The following C4orf54 variants were observed in gnomAD, a reference collection of about 807,000 sequenced individuals.
C4orf54 encodes the protein uncharacterized protein C4orf54.
In C4orf54, 67 loss-of-function variants were observed where a neutral mutation model predicts 80.1. The ratio of observed to expected loss-of-function variants is 0.84; its 90% CI spans 0.69 to 1.03. The LOEUF is 1.03. Ranked by LOEUF, C4orf54 falls within the 50% of genes least tolerant of loss-of-function variation. C4orf54 has a pLI of 0.00. For missense variants in C4orf54, 2,434 were observed against 2,253.5 expected, an observed-to-expected ratio of 1.08 and a Z score of -1.62; for synonymous variants, 1,000 against 917.0, an observed-to-expected ratio of 1.09 and a Z score of -1.64.
Position 99,650,696 on chromosome 4 carries a change from T to C in C4orf54, c.3953A>G (p.Glu1318Gly). The change falls in exon 2 of 3, where the codon GAG (glutamate) becomes GGG (glycine). Residue 1318 changes from glutamate (E) to glycine (G), a missense_variant. Coordinates refer to ENST00000511828, the MANE Select transcript of C4orf54 (RefSeq NM_001354435.2). The part of the protein sequence containing the change: ...DHDKLSKRLG[E>G]VEERGTGNKA... ...GTTTCCTGTGCCCCGCTCTTCCACC[T>C]CACCCAGCCGTTTGGACAGCTTGTC... 1.3e-6 allele frequency: 2 copies of C among 1,536,080 alleles called. No homozygotes were observed. The highest frequency in any genetic ancestry group is 1.7e-6 in the Non-Finnish European group (2 of 1,146,904).
intron 2 of C4orf54, among the ~76,000 whole-genome samples, chr4:99,647,131 C>A (rs956063688): frequency 6.6e-6 from 1 of 152,148 alleles, no homozygotes; most frequent in Non-Finnish European, 1.5e-5. Flanking sequence ...GTCCCAAACA[C>A]TAAAAACTCT....
At position 99,641,088 on chromosome 4, in the gene C4orf54, A is replaced by G. The variant is rs1726599311; in HGVS notation, c.*145T>C. On this transcript the variant is annotated 3_prime_UTR_variant, in exon 3 of 3. Transcript: ENST00000511828. ...ACACACTTAGCTTATAAGAAGCAAA[A>G]ATTAAGAATAACACATGTGGAAGAA... 6.6e-6 allele frequency: 1 copy of G among 152,178 alleles called. No homozygotes were observed. Among genetic ancestry groups the G allele is most frequent in the Admixed American group, 6.5e-5 (1 of 15,282 alleles). The allele number at this position is 152,178 out of a possible 1,614,324, so 9.4% of individuals were successfully genotyped here.
Position 99,652,420 on chromosome 4 carries a change from C to G in C4orf54, c.2229G>C (p.Thr743=). The part of the protein sequence containing the change: ...TPLCFQKQVQ[T]GSRVVTLLEP... The stretch of plus-strand genomic sequence containing the variant: ...CCAAAAGGGTGACGACGCGGGAGCC[C>G]GTCTGGACCTGCTTCTGGAAACACA... Residue 743 remains threonine (T), a synonymous_variant, in exon 2 of 3, where the codon ACG becomes ACC. Coordinates refer to ENST00000511828, the MANE Select transcript of C4orf54 (RefSeq NM_001354435.2). The G allele has an allele frequency of 2.6e-6, 4 of 1,536,032 alleles. No individual in the cohort carries two copies. Among genetic ancestry groups the G allele is most frequent in the Middle Eastern group, 1.7e-4 (1 of 5,990 alleles).
Position 99,650,461 on chromosome 4 carries a change from G to T in C4orf54, c.4188C>A (p.Asn1396Lys), listed in dbSNP as rs1175767646. The T allele has an allele frequency of 2.6e-6, 4 of 1,535,944 alleles. No homozygotes were observed. Among genetic ancestry groups the T allele is most frequent in the Admixed American group, 2.0e-5 (1 of 50,984 alleles). Reference sequence around the variant, plus strand: ...TGCTGCTGGCACTCACTGTGAACACGTTCCGGTTGCTGGGGAGTGGTGGGA... The same window carrying T: ...TGCTGCTGGCACTCACTGTGAACACTTTCCGGTTGCTGGGGAGTGGTGGGA... ...QPLPPLPSNRNVFTVSASSIQ... is the reference protein window; with the variant it reads ...QPLPPLPSNRKVFTVSASSIQ... Residue 1396 changes from asparagine (N) to lysine (K), a missense_variant, in exon 2 of 3, where the codon AAC becomes AAA. Coordinates refer to ENST00000511828, the MANE Select transcript of C4orf54 (RefSeq NM_001354435.2).
In C4orf54 at chr4:99,650,035, G is replaced by A. The variant is rs560651906; in HGVS notation, c.4614C>T (p.Asn1538=). ...GGGGGGCAGCTACTGTCTCCCGGGG[G>A]TTGTCAGGTTTGGTACGCCAAGCTG... ...SRPAWRTKPD[N]PRETVAAPPG... The change falls in exon 2 of 3, where the codon AAC becomes AAT. Residue 1538 remains asparagine, a synonymous_variant. Transcript: ENST00000511828. 6.5e-6 allele frequency: 10 copies of A among 1,535,704 alleles called. No individual in the cohort carries two copies. The highest frequency in any genetic ancestry group is 1.7e-4 in the Middle Eastern group (1 of 6,012).
Position 99,652,608 on chromosome 4 carries a change from G to A in C4orf54, c.2041C>T (p.Leu681Phe), listed in dbSNP as rs759797376. 192 of 1,535,938 alleles carry A rather than the reference G, an allele frequency of 1.3e-4. 3 individuals are homozygous for A. In the South Asian group the frequency reaches 1.8e-3, roughly 14 times the overall value. The change falls in exon 2 of 3, where the codon CTC becomes TTC. Residue 681 changes from leucine to phenylalanine, a missense_variant. By Grantham distance (22) the Leu-to-Phe change is conservative. Transcript: ENST00000511828. ...GCCACAGAGGCCGCGCTGCTCCTGA[G>A]GAGGCTCTGCTCCACCCTGGCCCCA... ...GVGARVEQSLLRSSAASVAAG... is the reference protein window; with the variant it reads ...GVGARVEQSLFRSSAASVAAG...
In C4orf54 at chr4:99,649,575, G is replaced by A; in HGVS notation, c.5074C>T (p.Leu1692=). The A allele has an allele frequency of 6.5e-7, 1 of 1,536,182 alleles. No individual in the cohort carries two copies. The highest frequency in any genetic ancestry group is 8.7e-7 in the Non-Finnish European group (1 of 1,146,916). Residue 1692 remains leucine (L), a synonymous_variant, in exon 2 of 3, where the codon CTG becomes TTG. Transcript: ENST00000511828. Reference sequence around the variant, plus strand: ...GCGCGAGCAATTGGTGTGGGCTGCAGAGCATTGGTGGGCAGCACGGTAGGC... The same window carrying A: ...GCGCGAGCAATTGGTGTGGGCTGCAAAGCATTGGTGGGCAGCACGGTAGGC... ...FLPTVLPTNA[L]QPTPIARAPR... is the part of the protein sequence containing the mutation.
At position 99,642,880 on chromosome 4, in the gene C4orf54, G is replaced by T. The variant is rs187370596; in HGVS notation, c.*37-1684C>A. 7.9e-5 allele frequency among the ~76,000 whole-genome samples: 12 copies of T among 152,328 alleles called. No individual in the cohort carries two copies. The East Asian group carries it at 2.3e-3, about 29-fold the overall frequency. On this transcript the variant is annotated intron_variant, in intron 2 of 2. Coordinates refer to ENST00000511828, the MANE Select transcript of C4orf54 (RefSeq NM_001354435.2). ...ACAGAGGGGAAAATCACCGCACACA[G>T]CTGGCAAGCTATGCTCAGAGTTGTA...
rs1726574447 is a variant in C4orf54 at position 99,639,786 on chromosome 4, GT to G, written c.*1446del. ...AAATCATACAAAACTCAGTCTCCTA[GT>G]TTTTTACTCACACTTTTTGTCATGA... On this transcript the variant is annotated 3_prime_UTR_variant, in exon 3 of 3. Coordinates refer to ENST00000511828, the MANE Select transcript of C4orf54 (RefSeq NM_001354435.2). 1 of 152,020 alleles carries G rather than the reference GT, an allele frequency of 6.6e-6. No individual in the cohort carries two copies. The highest frequency in any genetic ancestry group is 1.5e-5 in the Non-Finnish European group (1 of 67,970). The allele number at this position is 152,020 out of a possible 1,614,324, so 9.4% of individuals were successfully genotyped here.
In C4orf54 at chr4:99,636,689, T is replaced by C. The variant is rs574295943; in HGVS notation, c.*4544A>G. On this transcript the variant is annotated 3_prime_UTR_variant, in exon 3 of 3. Coordinates refer to ENST00000511828, the MANE Select transcript of C4orf54 (RefSeq NM_001354435.2). ...TCTCACAGAATCCTTGTCTAAATAG[T>C]TTACTCCATATTCAATGCACTGAAA... 1.3e-5 allele frequency: 2 copies of C among 152,262 alleles called. No individual in the cohort carries two copies. Among genetic ancestry groups the C allele is most frequent in the Admixed American group, 1.3e-4 (2 of 15,286 alleles). 9.4% of individuals were successfully genotyped at this position (152,262 alleles called of 1,614,324 possible).
At position 99,651,590 on chromosome 4, in the gene C4orf54, G is replaced by A; in HGVS notation, c.3059C>T (p.Ala1020Val). The change falls in exon 2 of 3, where the codon GCG (alanine) becomes GTG (valine). Residue 1020 changes from alanine (A) to valine (V), a missense_variant. By Grantham distance (64) the Ala-to-Val change is moderately conservative. Transcript: ENST00000511828. ...KYPAAQATST[A>V]VIRPKAPEIK... The stretch of plus-strand genomic sequence containing the variant: ...TTCGGGAGCCTTGGGTCTGATCACC[G>A]CTGTGGAGGTGGCCTGAGCAGCAGG... 1 of 1,536,150 alleles carries A rather than the reference G, an allele frequency of 6.5e-7. No homozygotes were observed. The highest frequency in any genetic ancestry group is 8.7e-7 in the Non-Finnish European group (1 of 1,146,910).
At chr4:99,642,872 C>T (rs111898731) in intron 2 of C4orf54, among the ~76,000 whole-genome samples, 51 of 152,302 alleles carry the variant, frequency 3.3e-4, no homozygotes, top group Non-Finnish European at 6.0e-4. Context: ...GGAAAATCAC[C>T]GCACACAGCT....
chr4:99,653,318 G>T lies in C4orf54; in HGVS notation c.1331C>A (p.Thr444Lys), dbSNP rs1726896194. 3 of 1,533,142 alleles carry T rather than the reference G, an allele frequency of 2.0e-6. No homozygotes were observed. Among genetic ancestry groups the T allele is most frequent in the East Asian group, 2.4e-5 (1 of 40,854 alleles). The allele number at this position is 1,533,142 out of a possible 1,614,324, so 95.0% of individuals were successfully genotyped here. A position where few individuals can be genotyped will look rare whatever the true frequency, so the allele number is the denominator to read the frequency against. Residue 444 changes from threonine to lysine, a missense_variant, in exon 2 of 3, where the codon ACG (threonine) becomes AAG (lysine). Transcript: ENST00000511828. ...CAGGTCGCTGCTTGTAGGGCTGGGC[G>T]TCCGGGTGGTGTTGGTGCTGGGAGT... ...STTPSTNTTR[T>K]PSPTSSDLAR...
Position 99,653,322 on chromosome 4 carries a change from G to A in C4orf54, c.1327C>T (p.Arg443Trp), listed in dbSNP as rs764353067. Residue 443 changes from arginine to tryptophan, a missense_variant, in exon 2 of 3, where the codon CGG (arginine) becomes TGG (tryptophan). Physicochemically the swap from Arg to Trp is moderately radical, Grantham distance 101. Transcript: ENST00000511828. ...TCGCTGCTTGTAGGGCTGGGCGTCC[G>A]GGTGGTGTTGGTGCTGGGAGTGGTG... ...LSTTPSTNTT[R>W]TPSPTSSDLA... The A allele has an allele frequency of 4.6e-6, 7 of 1,533,676 alleles. No individual in the cohort carries two copies. In the East Asian group the frequency reaches 7.3e-5, roughly 16 times the overall value.
rs1291735315 is a variant in C4orf54 at position 99,652,855 on chromosome 4, C to A, written c.1794G>T (p.Arg598=). Residue 598 remains arginine, a synonymous_variant, in exon 2 of 3, where the codon CGG becomes CGT. Coordinates refer to ENST00000511828, the MANE Select transcript of C4orf54 (RefSeq NM_001354435.2). ...TGGAGTAGTCCACCAGCTCCTTCGC[C>A]CGGATGGCCCCGCACCTGGTTTGCA... The part of the protein sequence containing the change: ...ARLQTRCGAI[R]AKELVDYSSG... 6.5e-7 allele frequency: 1 copy of A among 1,536,000 alleles called. No homozygotes were observed. The highest frequency in any genetic ancestry group is 2.4e-5 in the East Asian group (1 of 40,908).
At position 99,653,713 on chromosome 4, in the gene C4orf54, A is replaced by T; in HGVS notation, c.936T>A (p.Ser312Arg). 1 of 1,528,884 alleles carries T rather than the reference A, an allele frequency of 6.5e-7. No homozygotes were observed. The highest frequency in any genetic ancestry group is 8.7e-7 in the Non-Finnish European group (1 of 1,143,316). 94.7% of individuals were successfully genotyped at this position (1,528,884 alleles called of 1,614,324 possible). ...SLGFESESGE[S>R]EGCQAVGGEG... ...CTCCTCCCACGGCCTGGCAACCTTC[A>T]CTTTCACCACTCTCACTCTCGAAGC... The change falls in exon 2 of 3, where the codon AGT becomes AGA. Residue 312 changes from serine to arginine, a missense_variant. Ser to Arg is a moderately radical substitution (Grantham distance 110, BLOSUM62 -1). Coordinates refer to ENST00000511828, the MANE Select transcript of C4orf54 (RefSeq NM_001354435.2).
Position 99,649,380 on chromosome 4 carries a change from G to A in C4orf54, c.5269C>T (p.Gln1757Ter). ...SQLLGAKAFA[Q>*]LHGKPVISIT... ...CTGATGACAGGCTTGCCATGCAGCT[G>A]GGCAAAGGCCTTGGCCCCTAGGAGC... Residue 1757 changes from glutamine (Q) to a stop codon, truncating the protein, a stop_gained, in exon 2 of 3, where the codon CAG becomes TAG. Transcript: ENST00000511828. LOFTEE classifies it low-confidence loss of function (END_TRUNC). 6.5e-7 allele frequency: 1 copy of A among 1,536,180 alleles called. No individual in the cohort carries two copies. The highest frequency in any genetic ancestry group is 8.7e-7 in the Non-Finnish European group (1 of 1,146,920).
rs1050256230 is a variant in C4orf54 at position 99,649,586 on chromosome 4, G to T, written c.5063C>A (p.Pro1688His). ...IYPGFLPTVLPTNALQPTPIA... is the reference protein window; with the variant it reads ...IYPGFLPTVLHTNALQPTPIA... ...TGGTGTGGGCTGCAGAGCATTGGTG[G>T]GCAGCACGGTAGGCAGAAACCCAGG... Residue 1688 changes from proline to histidine, a missense_variant, in exon 2 of 3, where the codon CCC (proline) becomes CAC (histidine). Physicochemically the swap from Pro to His is moderately conservative, Grantham distance 77. Transcript: ENST00000511828. The T allele has an allele frequency of 6.5e-7, 1 of 1,536,128 alleles. No individual in the cohort carries two copies. Among genetic ancestry groups the T allele is most frequent in the Non-Finnish European group, 8.7e-7 (1 of 1,146,920 alleles).
intron 2 of C4orf54, among the ~76,000 whole-genome samples, 200 bp downstream of exon 2, chr4:99,649,031 T>C (rs1325736673): frequency 1.3e-5 from 2 of 152,188 alleles, no homozygotes; most frequent in African/African-American, 4.8e-5. Context: ...AAGGCCGACC[T>C]TGGGGACTGA....
Sources: gnomAD v4.1 joint callset for allele counts (sites outside exome capture counted in the v4.1 genomes callset) on GRCh38, gnomAD v4.1.1 for gene constraint, MANE v1.5 for transcripts, NCBI Gene and HGNC (gene_info 2026-07-23, HGNC 2026-07-21) for gene names.